MAMLD1: variants seen among roughly 807,000 people sequenced by gnomAD.
MAMLD1 encodes mastermind-like domain-containing protein 1.
Under a neutral mutation model 45.0 loss-of-function variants are expected in MAMLD1, and 14 were observed. The ratio of observed to expected loss-of-function variants is 0.31; its 90% CI spans 0.21 to 0.49. The LOEUF is 0.49. MAMLD1 is among the 20% of genes least tolerant of loss of function. MAMLD1 has a pLI of 0.99. For missense variants in MAMLD1, 543 were observed against 603.6 expected, an observed-to-expected ratio of 0.90 and a Z score of 1.05; for synonymous variants, 254 against 247.8, an observed-to-expected ratio of 1.02 and a Z score of -0.24.
At position 150,510,006 on chromosome X, in the gene MAMLD1, G is replaced by T; in HGVS notation, c.*4G>T. Reference sequence around the variant, plus strand: ...GTCTTATGGCAATGACCCCTGAACGGCAGAATGCATATATCTCCCAACAGA... The same window carrying T: ...GTCTTATGGCAATGACCCCTGAACGTCAGAATGCATATATCTCCCAACAGA... On this transcript the variant is annotated 3_prime_UTR_variant, in exon 7 of 8. Coordinates refer to ENST00000370401, the MANE Select transcript of MAMLD1 (RefSeq NM_005491.5). 3 of 1,207,113 alleles carry T rather than the reference G, an allele frequency of 2.5e-6. No homozygotes were observed. The highest frequency in any genetic ancestry group is 3.4e-6 in the Non-Finnish European group (3 of 891,305).
intron 1 of MAMLD1, among the ~76,000 whole-genome samples, chrX:150,431,949 C>T (rs184238161): frequency 6.3e-5 from 7 of 111,458 alleles, no homozygotes; most frequent in Non-Finnish European, 1.1e-4. Flanking sequence ...AATGGGATGG[C>T]TGGGTCAAGT....
intron 7 of MAMLD1, 53 bp from the exon 8 acceptor site, chrX:150,511,951 C>A (rs659188): frequency 1.5e-5 from 15 of 1,017,004 alleles, no homozygotes; most frequent in Non-Finnish European, 1.9e-5. Flanking sequence ...GGCCACAGCC[C>A]AAGTCGAGGA....
intron 1 of MAMLD1, among the ~76,000 whole-genome samples, chrX:150,364,232 T>G (rs782378509): frequency 2.5e-4 from 28 of 112,731 alleles, no homozygotes; most frequent in African/African-American, 7.7e-4. Context: ...CGGCGCCGGC[T>G]AGCGCGGGCG....
chrX:150,379,111 C>CTCTA (rs782088623), intron 1 of MAMLD1, among the ~76,000 whole-genome samples: 1 of 111,499 alleles, frequency 9.0e-6, no homozygotes, highest in Non-Finnish European at 1.9e-5. Context: ...ATATCTATTT[C>CTCTA]TCTATCTATC....
intron 2 of MAMLD1, among the ~76,000 whole-genome samples, chrX:150,454,661 TACA>T (rs1393330825): frequency 9.0e-6 from 1 of 111,094 alleles, no homozygotes; most frequent in Non-Finnish European, 1.9e-5. Context: ...GACAGAGTGG[TACA>T]ACAAGAATGA....
At chrX:150,400,365 A>G (rs2033694246) in intron 1 of MAMLD1, among the ~76,000 whole-genome samples, 1 of 112,161 alleles carries the variant, frequency 8.9e-6, no homozygotes, top group African/African-American at 3.2e-5. Flanking sequence ...GGGCTGAGAC[A>G]ATGGGGTTTT....
intron 6 of MAMLD1, among the ~76,000 whole-genome samples, chrX:150,507,451 C>T (rs1488330717): frequency 1.8e-5 from 2 of 112,075 alleles, no homozygotes; most frequent in Non-Finnish European, 3.8e-5. Flanking sequence ...AGAGAATGCT[C>T]TGGCTCCTTT....
intron 1 of MAMLD1, among the ~76,000 whole-genome samples, chrX:150,392,948 G>T (rs1036059071): frequency 9.1e-6 from 1 of 110,080 alleles, no homozygotes; most frequent in Non-Finnish European, 1.9e-5. Context: ...GAACCTACAT[G>T]GACACATCAT....
chrX:150,432,522 G>T (rs1031833353), intron 1 of MAMLD1, among the ~76,000 whole-genome samples: 1 of 111,937 alleles, frequency 8.9e-6, no homozygotes, highest in Non-Finnish European at 1.9e-5. Flanking sequence ...TATTTCCTAA[G>T]TTATCTTCCA....
At chrX:150,381,098 T>C (rs1167121755) in intron 1 of MAMLD1, among the ~76,000 whole-genome samples, 2 of 111,172 alleles carry the variant, frequency 1.8e-5, no homozygotes, top group African/African-American at 6.7e-5. Context: ...TTATTATATA[T>C]TCAGTCTCCA....
chrX:150,382,114 G>C (rs1036960399), intron 1 of MAMLD1, among the ~76,000 whole-genome samples: 3 of 110,952 alleles, frequency 2.7e-5, no homozygotes, highest in African/African-American at 9.8e-5. Context: ...AAGTTTGATG[G>C]TTACACATTT....
chrX:150,481,265 A>T (rs1469554671), intron 5 of MAMLD1, among the ~76,000 whole-genome samples: 1 of 112,890 alleles, frequency 8.9e-6, no homozygotes, highest in Non-Finnish European at 1.9e-5. Flanking sequence ...ATGTGAACAG[A>T]CAATGCACTC....
At chrX:150,422,702 C>T (rs2034560622) in intron 1 of MAMLD1, among the ~76,000 whole-genome samples, 1 of 112,211 alleles carries the variant, frequency 8.9e-6, no homozygotes, top group African/African-American at 3.2e-5. Context: ...CAGACGTGAG[C>T]CACTGGGCCT....
chrX:150,505,347 T>A (rs2037691407), intron 6 of MAMLD1, among the ~76,000 whole-genome samples: 1 of 112,276 alleles, frequency 8.9e-6, no homozygotes, highest in African/African-American at 3.2e-5. Flanking sequence ...CCCTTCACCC[T>A]ACTGGGTGGT....
At chrX:150,456,968 T>G (rs1602880892) in intron 2 of MAMLD1, among the ~76,000 whole-genome samples, 1 of 111,733 alleles carries the variant, frequency 8.9e-6, no homozygotes, top group Non-Finnish European at 1.9e-5. Context: ...AGGAAGAGAG[T>G]GCAATGTCCT....
At chrX:150,362,142 G>T (rs1348113803), upstream of MAMLD1, among the ~76,000 whole-genome samples, 1 of 112,337 alleles carries the variant, frequency 8.9e-6, no homozygotes, top group African/African-American at 3.2e-5. Context: ...GGTCTGTTTG[G>T]CAGTCAGGGC....
intron 1 of MAMLD1, among the ~76,000 whole-genome samples, chrX:150,394,191 G>A: frequency 2.8e-5 from 1 of 35,891 alleles, no homozygotes; most frequent in African/African-American, 1.1e-4. Context: ...ACTATTTGTT[G>A]AACAGACTAT....
At chrX:150,506,607 G>A (rs1392491928) in intron 6 of MAMLD1, among the ~76,000 whole-genome samples, 2 of 112,394 alleles carry the variant, frequency 1.8e-5, no homozygotes, top group Non-Finnish European at 3.8e-5. Context: ...TCCCCGAATC[G>A]TTTGTCCTCT....
intron 1 of MAMLD1, among the ~76,000 whole-genome samples, chrX:150,408,013 G>C (rs2124531233): frequency 8.9e-6 from 1 of 111,938 alleles, no homozygotes; most frequent in Non-Finnish European, 1.9e-5. Flanking sequence ...GGAGGGGACA[G>C]TGGTGGGCTA....
Sources: allele counts gnomAD v4.1 joint callset (sites outside exome capture counted in the v4.1 genomes callset), GRCh38; gene constraint gnomAD v4.1.1; transcripts MANE v1.5; gene names NCBI Gene and HGNC (gene_info 2026-07-23, HGNC 2026-07-21).